The following ADCY5 variants were observed in gnomAD, a reference collection of about 807,000 sequenced individuals.
ADCY5 encodes adenylate cyclase type 5.
Under a neutral mutation model 119.7 loss-of-function variants are expected in ADCY5, and 30 were observed. The ratio of observed to expected loss-of-function variants is 0.25; its 90% CI spans 0.19 to 0.34. The LOEUF is 0.34. Among genes scored for constraint, ADCY5 ranks in the 10% least tolerant of loss-of-function variants. ADCY5 has a pLI of 1.00. For synonymous variants in ADCY5, 753 were observed against 762.2 expected, an observed-to-expected ratio of 0.99 and a Z score of 0.20; for missense variants, 1,324 against 1,775.2, an observed-to-expected ratio of 0.75 and a Z score of 4.57.
intron 20 of ADCY5, among the ~76,000 whole-genome samples, 170 bp from the exon 21 acceptor site, chr3:123,284,906 C>T (rs1328085176): frequency 6.6e-6 from 1 of 152,202 alleles, no homozygotes; most frequent in East Asian, 1.9e-4. Context: ...AGCAGCTCAC[C>T]ATGGAAGGGA....
chr3:123,403,378 C>G (rs1158195648), intron 1 of ADCY5, among the ~76,000 whole-genome samples: 3 of 118,728 alleles, frequency 2.5e-5, no homozygotes, highest in African/African-American at 9.7e-5. Context: ...GAGACCCTGT[C>G]TCAAAAAAAA....
intron 4 of ADCY5, among the ~76,000 whole-genome samples, chr3:123,331,339 G>C (rs1391641267): frequency 6.6e-6 from 1 of 152,182 alleles, no homozygotes; most frequent in Non-Finnish European, 1.5e-5. Flanking sequence ...CAGCCAGCAG[G>C]GTGGCCTTAT....
At chr3:123,445,176 C>G (rs981459500) in intron 1 of ADCY5, among the ~76,000 whole-genome samples, 1 of 152,180 alleles carries the variant, frequency 6.6e-6, no homozygotes, top group African/African-American at 2.4e-5. Flanking sequence ...AATCCTACAG[C>G]CTTGCAAAAG....
intron 11 of ADCY5, among the ~76,000 whole-genome samples, chr3:123,317,358 A>C (rs1216861091): frequency 1.3e-5 from 2 of 149,924 alleles, no homozygotes; most frequent in Non-Finnish European, 3.0e-5. Context: ...AAGAACTAAC[A>C]GAAAGCAGCC....
Position 123,286,837 on chromosome 3 carries a change from C to T in ADCY5, c.3533-28G>A. 6.4e-7 allele frequency: 1 copy of T among 1,566,294 alleles called. No homozygotes were observed. Among genetic ancestry groups the T allele is most frequent in the Non-Finnish European group, 8.6e-7 (1 of 1,158,174 alleles). ...GCAGGGGACAGGAATCAGCCACAGT[C>T]ATCACATCTCTGGCTTGACCTTGCC... is the stretch of plus-strand genomic sequence containing the variant. On this transcript the variant is annotated intron_variant, in intron 19 of 20. Coordinates refer to ENST00000462833, the MANE Select transcript of ADCY5 (RefSeq NM_183357.3). The surrounding 1 kb of genome is among the most constrained non-coding windows in gnomAD (Gnocchi z 4.2).
At chr3:123,325,548 G>A in intron 7 of ADCY5, 86 bp from the exon 8 acceptor site, 1 of 1,558,818 alleles carries the variant, frequency 6.4e-7, no homozygotes, top group South Asian at 1.1e-5. Flanking sequence ...ACCTGGCCAG[G>A]TAAGGGGCTA....
chr3:123,330,975 A>G lies in ADCY5; in HGVS notation c.1560T>C (p.Tyr520=), dbSNP rs754077893. The part of the protein sequence containing the change: ...CLRIKILGDC[Y]YCVSGLPEAR... ...CTTCAGGCAGCCCCGAGACGCAGTA[A>G]TAACAATCCCCAAGGATCTTAATAC... The change falls in exon 5 of 21, where the codon TAT becomes TAC. Residue 520 remains tyrosine (Y), a synonymous_variant. Transcript: ENST00000462833. The G allele has an allele frequency of 4.3e-6, 7 of 1,613,924 alleles. No individual in the cohort carries two copies. Among genetic ancestry groups the G allele is most frequent in the East Asian group, 4.5e-5 (2 of 44,906 alleles).
intron 1 of ADCY5, among the ~76,000 whole-genome samples, chr3:123,409,986 A>C (rs1945000855): frequency 2.0e-5 from 3 of 152,028 alleles, no homozygotes; most frequent in African/African-American, 7.2e-5. Flanking sequence ...GCAGTAATAA[A>C]TCTCTTTTTC....
chr3:123,411,977 C>T lies in ADCY5; in HGVS notation c.1134+35435G>A, dbSNP rs138440791. Reference sequence around the variant, plus strand: ...CCCACACAGAACTCCACCTTTGGAACATGCCCTCTCCCCAGACAGGCATCT... The same window carrying T: ...CCCACACAGAACTCCACCTTTGGAATATGCCCTCTCCCCAGACAGGCATCT... On this transcript the variant is annotated intron_variant, in intron 1 of 20. Transcript: ENST00000462833. Among the ~76,000 whole-genome samples, 4 of 152,320 alleles carry T rather than the reference C, an allele frequency of 2.6e-5. No individual in the cohort carries two copies. The East Asian group carries it at 7.7e-4, about 29-fold the overall frequency.
chr3:123,291,119 A>G lies in ADCY5; in HGVS notation c.3321T>C (p.Phe1107=). 1 of 1,612,264 alleles carries G rather than the reference A, an allele frequency of 6.2e-7. No individual in the cohort carries two copies. Among genetic ancestry groups the G allele is most frequent in the Non-Finnish European group, 8.5e-7 (1 of 1,178,724 alleles). ...LRLLNEIIAD[F]DEIISEDRFR... ...CCCAGGCCCCGCTGTGCACCTCATC[A>G]AAGTCAGCGATGATCTCATTGAGTA... is the stretch of plus-strand genomic sequence containing the variant. The change falls in exon 18 of 21, where the codon TTT becomes TTC. Residue 1107 remains phenylalanine (F), a synonymous_variant. Coordinates refer to ENST00000462833, the MANE Select transcript of ADCY5 (RefSeq NM_183357.3).
intron 1 of ADCY5, chr3:123,368,120 T>C (rs985546062): frequency 4.0e-5 from 51 of 1,271,940 alleles, no homozygotes; most frequent in Non-Finnish European, 5.2e-5. Context: ...GGGCCAGTCT[T>C]GTGACTCGGA....
intron 1 of ADCY5, among the ~76,000 whole-genome samples, chr3:123,383,904 A>C: frequency 6.7e-6 from 1 of 150,228 alleles, no homozygotes; most frequent in Non-Finnish European, 1.5e-5. Context: ...AGGTGCACAC[A>C]CACACCCTTC....
rs1384579120 is a variant in ADCY5, at chr3:123,286,991, A to G, written c.3533-182T>C. 2 of 785,716 alleles carry G rather than the reference A, an allele frequency of 2.5e-6. No individual in the cohort carries two copies. Among genetic ancestry groups the G allele is most frequent in the Non-Finnish European group, 3.8e-6 (2 of 529,426 alleles). 48.7% of individuals were successfully genotyped at this position (785,716 alleles called of 1,614,324 possible). ...CCCTGCTCCTGTCAAATGCCTGTGA[A>G]TGCAAGACACAAGGAGCCTGCACCT... On this transcript the variant is annotated intron_variant, in intron 19 of 20. Transcript: ENST00000462833. The surrounding 1 kb of genome is among the most constrained non-coding windows in gnomAD (Gnocchi z 4.2).
At chr3:123,403,417 T>C (rs919514843) in intron 1 of ADCY5, among the ~76,000 whole-genome samples, 1 of 148,430 alleles carries the variant, frequency 6.7e-6, no homozygotes, top group Non-Finnish European at 1.5e-5. Context: ...ACAGATTACA[T>C]GTTTAGAGCC....
intron 1 of ADCY5, among the ~76,000 whole-genome samples, chr3:123,359,151 C>T (rs566527078): frequency 2.6e-5 from 4 of 151,722 alleles, no homozygotes; most frequent in African/African-American, 7.3e-5. Context: ...TTGCCCCTTG[C>T]AATATGGTTC....
chr3:123,349,512 G>A (rs4383453), intron 2 of ADCY5, among the ~76,000 whole-genome samples: 25,211 of 152,102 alleles, frequency 0.17, 2,393 homozygotes, highest in Middle Eastern at 0.22. Context: ...CGCCTGCACA[G>A]CCCCGATCTC....
chr3:123,427,512 T>C (rs2107643717), intron 1 of ADCY5, among the ~76,000 whole-genome samples: 1 of 152,288 alleles, frequency 6.6e-6, no homozygotes, highest in Admixed American at 6.5e-5. Context: ...CCCTTTCCCA[T>C]GTCTCTGCAC....
At chr3:123,446,764 G>A (rs1369090939) in intron 1 of ADCY5, among the ~76,000 whole-genome samples, 2 of 152,134 alleles carry the variant, frequency 1.3e-5, no homozygotes, top group East Asian at 1.9e-4. Flanking sequence ...CAGGCCGGAA[G>A]GGGAATTGCC....
At chr3:123,311,896 A>G (rs1940608932) in intron 12 of ADCY5, among the ~76,000 whole-genome samples, 1 of 152,164 alleles carries the variant, frequency 6.6e-6, no homozygotes, top group Admixed American at 6.5e-5. Flanking sequence ...GGCAGCAAAA[A>G]TCACTGGACT....
Sources: gnomAD v4.1 joint callset for allele counts (sites outside exome capture counted in the v4.1 genomes callset) on GRCh38, gnomAD v4.1.1 for gene constraint, Gnocchi (gnomAD v3.1) non-coding constraint, MANE v1.5 for transcripts, NCBI Gene and HGNC (gene_info 2026-07-23, HGNC 2026-07-21) for gene names.